The following GLB1 variants were observed in gnomAD, a reference collection of about 807,000 sequenced individuals.
The protein encoded by GLB1 is beta-galactosidase.
Under a neutral mutation model 74.0 loss-of-function variants are expected in GLB1, and 56 were observed. The ratio of observed to expected loss-of-function variants is 0.76; its 90% CI spans 0.61 to 0.94. The LOEUF is 0.94. Among genes scored for constraint, GLB1 ranks in the 40% least tolerant of loss-of-function variants. The pLI, the probability that GLB1 is intolerant of heterozygous loss-of-function variation, is 0.00. For missense variants in GLB1, 787 were observed against 845.5 expected, an observed-to-expected ratio of 0.93 and a Z score of 0.86; for synonymous variants, 323 against 323.6, an observed-to-expected ratio of 1.00 and a Z score of 0.02.
Position 33,079,612 on chromosome 3 carries a change from T to C in GLB1, c.76-6899A>G, listed in dbSNP as rs1291492649. Among the ~76,000 whole-genome samples the C allele has an allele frequency of 3.3e-5, 5 of 152,212 alleles. No individual in the cohort carries two copies. In the South Asian group the frequency reaches 8.3e-4, roughly 25 times the overall value. ...GACTGATAAAATGAATTATGGTTTA[T>C]ATTGTATGTGTATTGTACATGCATG... On this transcript the variant is annotated intron_variant, in intron 1 of 15. Transcript: ENST00000307363.
At chr3:32,999,767 C>T (rs1362938065) in intron 15 of GLB1, among the ~76,000 whole-genome samples, 1 of 152,172 alleles carries the variant, frequency 6.6e-6, no homozygotes, top group Non-Finnish European at 1.5e-5. Flanking sequence ...TCTTGTTCCT[C>T]CGCCTTCTGA....
At chr3:33,037,328 G>C (rs1296293579) in intron 10 of GLB1, among the ~76,000 whole-genome samples, 1 of 152,142 alleles carries the variant, frequency 6.6e-6, no homozygotes, top group Non-Finnish European at 1.5e-5. Context: ...TTACAGGTAT[G>C]AGCCACCACA....
intron 9 of GLB1, among the ~76,000 whole-genome samples, chr3:33,048,408 G>A (rs541259038): frequency 6.6e-6 from 1 of 152,368 alleles, no homozygotes; most frequent in South Asian, 2.1e-4. Flanking sequence ...AAGAAATGGT[G>A]AGACTTTGCA....
chr3:33,034,315 T>G, intron 10 of GLB1: 3 of 744,362 alleles, frequency 4.0e-6, no homozygotes, highest in South Asian at 2.8e-5. Context: ...CTTACACCAT[T>G]GGCTGCAATG....
In GLB1 at chr3:33,002,362, T is replaced by A. The variant is rs56221258; in HGVS notation, c.1735-5018A>T. Among the ~76,000 whole-genome samples the A allele has an allele frequency of 1.8e-4, 13 of 72,938 alleles. No individual in the cohort carries two copies. In the East Asian group the frequency reaches 2.3e-3, roughly 13 times the overall value. The allele number at this position is 72,938 out of a possible 152,430, so 47.9% of individuals were successfully genotyped here. A position where few individuals can be genotyped will look rare whatever the true frequency, so the allele number is the denominator to read the frequency against. On this transcript the variant is annotated intron_variant, in intron 15 of 15. Transcript: ENST00000307363. ...CTCCCTCCCTCCCTTCCTTCCTTCCTTCCATCCTTCCTTCCTTCCTTATGA... is the reference window on the plus strand; with the variant it reads ...CTCCCTCCCTCCCTTCCTTCCTTCCATCCATCCTTCCTTCCTTCCTTATGA...
chr3:33,093,651 A>C lies in GLB1; in HGVS notation c.75+3360T>G. The C allele has an allele frequency of 1.2e-6, 2 of 1,614,174 alleles. No homozygotes were observed. Among genetic ancestry groups the C allele is most frequent in the Non-Finnish European group, 1.7e-6 (2 of 1,180,032 alleles). ...CACAGCCGGGGGCTGCGCGGCATTC[A>C]GAATCCCGGCCACGCTGAGCACAGC... On this transcript the variant is annotated intron_variant, in intron 1 of 15. Coordinates refer to ENST00000307363, the MANE Select transcript of GLB1 (RefSeq NM_000404.4). This position sits in a 1 kb window ranked among gnomAD's most constrained non-coding sequence, Gnocchi z 6.0.
At chr3:33,042,364 C>G (rs948345442) in intron 10 of GLB1, among the ~76,000 whole-genome samples, 5 of 92,766 alleles carry the variant, frequency 5.4e-5, no homozygotes, top group Non-Finnish European at 5.0e-5. Flanking sequence ...GACCCCTCAT[C>G]TCCTCCTTTT....
intron 10 of GLB1, among the ~76,000 whole-genome samples, chr3:33,041,152 A>T (rs1329982569): frequency 6.6e-6 from 1 of 152,224 alleles, no homozygotes; most frequent in African/African-American, 2.4e-5. Flanking sequence ...ACAAGTTCCA[A>T]AACTACCAAG....
At chr3:32,962,050 T>C in the GLB1 span, among the ~76,000 whole-genome samples, 304 of 151,474 alleles carry the variant, frequency 2.0e-3, 1 homozygote, top group African/African-American at 6.4e-3. Flanking sequence ...AAAAATTAGC[T>C]GGGCATGGTG....
chr3:33,092,873 C>G, intron 1 of GLB1: 1 of 1,612,416 alleles, frequency 6.2e-7, no homozygotes, highest in Non-Finnish European at 8.5e-7. Flanking sequence ...TGATCTCGGC[C>G]CTGCTACCCA....
intron 5 of GLB1, among the ~76,000 whole-genome samples, 168 bp from the exon 6 acceptor site, chr3:33,058,437 A>G (rs1478166944): frequency 6.6e-6 from 1 of 152,204 alleles, no homozygotes; most frequent in Non-Finnish European, 1.5e-5. Context: ...AAGAAAAAAC[A>G]CCAACAATTC....
At position 33,068,889 on chromosome 3, in the gene GLB1, C is replaced by A. The variant is rs751602590; in HGVS notation, c.327G>T (p.Arg109=). The A allele has an allele frequency of 1.9e-6, 3 of 1,613,986 alleles. No homozygotes were observed. Among genetic ancestry groups the A allele is most frequent in the African/African-American group, 2.7e-5 (2 of 74,886 alleles). ...SEDHDVEYFL[R]LAHELGLLVI... ...CCAGCAGTCCCAGCTCATGAGCCAG[C>A]CGAAGAAAATATTCCACATCATGGT... Residue 109 remains arginine (R), a synonymous_variant, in exon 3 of 16, where the codon CGG becomes CGT. Coordinates refer to ENST00000307363, the MANE Select transcript of GLB1 (RefSeq NM_000404.4).
At chr3:33,095,483 C>A (rs1386017409) in intron 1 of GLB1, among the ~76,000 whole-genome samples, 13 of 152,114 alleles carry the variant, frequency 8.5e-5, no homozygotes, top group Non-Finnish European at 7.4e-5. Flanking sequence ...TAATGGAAAG[C>A]TAGACTGCTG....
rs1700837983 is a variant in GLB1, at chr3:33,093,060, T to C, written c.75+3951A>G. 1 of 1,614,068 alleles carries C rather than the reference T, an allele frequency of 6.2e-7. No individual in the cohort carries two copies. ...GATCAGGTTAATATCTGGCCGAGCC[T>C]GGAGAGCTCTCTTGGCAGCCAGGGG... On this transcript the variant is annotated intron_variant, in intron 1 of 15. Coordinates refer to ENST00000307363, the MANE Select transcript of GLB1 (RefSeq NM_000404.4). This position sits in a 1 kb window ranked among gnomAD's most constrained non-coding sequence, Gnocchi z 6.0.
At chr3:33,003,384 C>T (rs1696656119) in intron 15 of GLB1, among the ~76,000 whole-genome samples, 1 of 152,206 alleles carries the variant, frequency 6.6e-6, no homozygotes, top group African/African-American at 2.4e-5. Flanking sequence ...ACTACTGCCT[C>T]ATGTCATATT....
downstream of GLB1, among the ~76,000 whole-genome samples, chr3:32,995,283 T>C (rs1209817465): frequency 6.6e-6 from 1 of 152,100 alleles, no homozygotes; most frequent in Non-Finnish European, 1.5e-5. Flanking sequence ...CCAATGTACA[T>C]ATGCTTTAAA....
intron 10 of GLB1, chr3:33,030,051 A>G (rs896034574): frequency 6.6e-6 from 1 of 152,200 alleles, no homozygotes; most frequent in African/African-American, 2.4e-5. Context: ...AAGTGGGTCA[A>G]AGAAGACTCT....
At position 33,093,769 on chromosome 3, in the gene GLB1, G is replaced by A. The variant is rs1357163497; in HGVS notation, c.75+3242C>T. 6.2e-7 allele frequency: 1 copy of A among 1,613,514 alleles called. No homozygotes were observed. The highest frequency in any genetic ancestry group is 8.5e-7 in the Non-Finnish European group (1 of 1,179,742). ...CTACCACTGCGCCAGGCCAAGAGCT[G>A]GTAGGCCTGCTCCATGCCGCTGAGG... On this transcript the variant is annotated intron_variant, in intron 1 of 15. Transcript: ENST00000307363. The surrounding 1 kb of genome is among the most constrained non-coding windows in gnomAD (Gnocchi z 6.0).
intron 6 of GLB1, among the ~76,000 whole-genome samples, chr3:33,055,460 CTTTTTTTTT>C (rs55687940): frequency 2.0e-5 from 2 of 102,280 alleles, no homozygotes; most frequent in African/African-American, 7.1e-5. Flanking sequence ...GTTTTCTTTT[CTTTTTTTTT>C]TTTTTTTTTG....
Sources: gnomAD v4.1 joint callset for allele counts (sites outside exome capture counted in the v4.1 genomes callset) on GRCh38, gnomAD v4.1.1 for gene constraint, Gnocchi (gnomAD v3.1) non-coding constraint, MANE v1.5 for transcripts, NCBI Gene and HGNC (gene_info 2026-07-23, HGNC 2026-07-21) for gene names.